Variants in WDR17 observed in about 807,000 individuals in gnomAD.
WDR17 encodes the protein WD repeat domain 17.
A neutral mutation model predicts 161.7 loss-of-function variants in WDR17; 143 were observed. The observed-to-expected ratio is 0.88, with a 90% confidence interval of 0.77 to 1.02. The LOEUF (loss-of-function observed/expected upper bound fraction) is 1.02. WDR17 is among the 50% of genes least tolerant of loss of function. The probability of loss-of-function intolerance (pLI) is 0.00; values close to 1 mark genes in which losing one functional copy is unlikely to be tolerated. For missense variants in WDR17, 1,469 were observed against 1,520.9 expected (o/e 0.97, Z 0.57); for synonymous variants, 517 against 515.6 (o/e 1.00, Z -0.04).
At chr4:176,121,159 C>T (rs28695418) in intron 4 of WDR17, among the ~76,000 whole-genome samples, 37,547 of 151,966 alleles carry the variant, frequency 0.25, 4,776 homozygotes, top group South Asian at 0.28. Context: ...CAAAGATTAG[C>T]ATGAGGAGGG....
chr4:176,078,722 A>C (rs1274726675), intron 1 of WDR17, among the ~76,000 whole-genome samples: 1 of 152,150 alleles, frequency 6.6e-6, no homozygotes, highest in East Asian at 1.9e-4. Context: ...GATCTTTGTC[A>C]TGGGCTTTTT....
rs146392469 is a variant in WDR17 at position 176,110,047 on chromosome 4, T to C, written c.-6-1528T>C. Among the ~76,000 whole-genome samples, 885 of 152,324 alleles carry C rather than the reference T, an allele frequency of 5.8e-3. 9 individuals are homozygous for C. The highest frequency in any genetic ancestry group is 0.02 in the African/African-American group (825 of 41,564). On this transcript the variant is annotated intron_variant, in intron 1 of 28. Coordinates refer to ENST00000508596, the MANE Select transcript of WDR17 (RefSeq NM_181265.4). The stretch of plus-strand genomic sequence containing the variant: ...TAAAAATCAGATATGAAATTGACAA[T>C]AGTGAAAAATTGAATTTACCTGGTG...
chr4:176,098,262 T>C (rs17062505), intron 1 of WDR17: 41,153 of 155,230 alleles, frequency 0.27, 6,203 homozygotes, highest in Admixed American at 0.43. Flanking sequence ...CCAACTGAAG[T>C]GTGTTGTTCC....
At chr4:176,073,944 A>T (rs1733603577) in intron 1 of WDR17, among the ~76,000 whole-genome samples, 1 of 149,360 alleles carries the variant, frequency 6.7e-6, no homozygotes, top group Admixed American at 6.7e-5. Context: ...CCACTTTTTG[A>T]TGGGGTTGTT....
intron 7 of WDR17, among the ~76,000 whole-genome samples, chr4:176,133,171 A>ATTTTTTTTTTTTTTT (rs1743766210): frequency 7.6e-6 from 1 of 131,354 alleles, no homozygotes; most frequent in South Asian, 2.4e-4. Flanking sequence ...AAAAAAAACA[A>ATTTTTTTTTTTTTTT]TTTTTTATTT....
At chr4:176,174,781 C>A (rs1474975734) in intron 26 of WDR17, 63 bp downstream of exon 26, 6 of 990,412 alleles carry the variant, frequency 6.1e-6, no homozygotes, top group African/African-American at 1.6e-5. Flanking sequence ...GATGGATAGT[C>A]TCTAAGTGGA....
rs773727894 is a variant in WDR17, at chr4:176,149,816, G to A, written c.1907G>A (p.Cys636Tyr). The A allele has an allele frequency of 6.2e-7, 1 of 1,612,288 alleles. No homozygotes were observed. The highest frequency in any genetic ancestry group is 8.5e-7 in the Non-Finnish European group (1 of 1,179,620). The change falls in exon 14 of 29, where the codon TGC becomes TAC. Residue 636 changes from cysteine (C) to tyrosine (Y), a missense_variant. Cys to Tyr is a radical substitution (Grantham distance 194). Transcript: ENST00000508596. ...TTTTTATTTTCATCAGGTTTAACCT[G>A]CCATCCCAGTCGCCCCTTCACTATG... Reference protein sequence around the residue: ...DHGADVYGLTCHPSRPFTMAS... With the variant: ...DHGADVYGLTYHPSRPFTMAS...
chr4:176,178,393 A>G (rs1751769919), intron 28 of WDR17, among the ~76,000 whole-genome samples: 1 of 152,192 alleles, frequency 6.6e-6, no homozygotes, highest in Non-Finnish European at 1.5e-5. Flanking sequence ...GTATGTCATC[A>G]TTGCCATTCT....
chr4:176,090,255 TTA>T (rs1561082206), intron 1 of WDR17, among the ~76,000 whole-genome samples: 2 of 147,704 alleles, frequency 1.4e-5, no homozygotes, highest in Admixed American at 6.7e-5. Flanking sequence ...GCTGGTTGTT[TTA>T]AAAAAAAAAA....
rs202010584 is a variant in WDR17, at chr4:176,131,752, C to T, written c.1098+14C>T. On this transcript the variant is annotated intron_variant, in intron 7 of 28. Transcript: ENST00000508596. ...CTTAGAGACTTGGTATGTATGTAGT[C>T]ATTCCTTTATTATACATAATAGTTT... The T allele has an allele frequency of 1.4e-4, 220 of 1,580,604 alleles. No individual in the cohort carries two copies. Among genetic ancestry groups the T allele is most frequent in the Non-Finnish European group, 1.8e-4 (204 of 1,164,924 alleles).
chr4:176,149,680 A>T, intron 13 of WDR17, 127 bp from the exon 14 acceptor site: 1 of 1,116,412 alleles, frequency 9.0e-7, no homozygotes. Flanking sequence ...AGGTTGACTG[A>T]GAACCTTTCA....
At chr4:176,083,398 C>T (rs1039028116) in intron 1 of WDR17, among the ~76,000 whole-genome samples, 2 of 152,060 alleles carry the variant, frequency 1.3e-5, no homozygotes, top group Non-Finnish European at 2.9e-5. Flanking sequence ...ACTACCACCA[C>T]CAAGGATACC....
At chr4:176,108,961 T>G (rs1438814017) in intron 1 of WDR17, among the ~76,000 whole-genome samples, 2 of 152,054 alleles carry the variant, frequency 1.3e-5, no homozygotes, top group Non-Finnish European at 2.9e-5. Context: ...GGTTAATTTT[T>G]GTAATTTTTG....
At chr4:176,074,808 T>A (rs1269325048) in intron 1 of WDR17, among the ~76,000 whole-genome samples, 7 of 136,016 alleles carry the variant, frequency 5.1e-5, no homozygotes, top group African/African-American at 1.9e-4. Context: ...TTTTTTTTAA[T>A]GCTTTTTTTT....
chr4:176,083,031 A>C (rs548529929), intron 1 of WDR17, among the ~76,000 whole-genome samples: 1 of 152,270 alleles, frequency 6.6e-6, no homozygotes, highest in Admixed American at 6.5e-5. Flanking sequence ...TGTTTGATAG[A>C]TTTTCTTAGA....
At chr4:176,091,247 G>A (rs530492979) in intron 1 of WDR17, among the ~76,000 whole-genome samples, 1 of 152,222 alleles carries the variant, frequency 6.6e-6, no homozygotes, top group Admixed American at 6.5e-5. Context: ...CATATGTTAG[G>A]TCACAAAATG....
At chr4:176,119,637 A>G (rs1009943446) in intron 3 of WDR17, among the ~76,000 whole-genome samples, 7 of 152,212 alleles carry the variant, frequency 4.6e-5, no homozygotes, top group African/African-American at 1.7e-4. Context: ...GCAAATGATC[A>G]TGTAAGTAGT....
Position 176,093,524 on chromosome 4 carries a change from T to A in WDR17, c.-6-18051T>A, listed in dbSNP as rs1318668966. Among the ~76,000 whole-genome samples, 2 of 152,222 alleles carry A rather than the reference T, an allele frequency of 1.3e-5. 1 individual carries two copies. The highest frequency in any genetic ancestry group is 2.9e-5 in the Non-Finnish European group (2 of 68,034). ...TTACTGATATTTAATATTTTATTTTTGTTATTTATTTCTATCACTAATTTT... is the reference window on the plus strand; with the variant it reads ...TTACTGATATTTAATATTTTATTTTAGTTATTTATTTCTATCACTAATTTT... On this transcript the variant is annotated intron_variant, in intron 1 of 28. Transcript: ENST00000508596.
chr4:176,077,646 A>G (rs1734223921), intron 1 of WDR17, among the ~76,000 whole-genome samples: 1 of 152,212 alleles, frequency 6.6e-6, no homozygotes, highest in East Asian at 1.9e-4. Flanking sequence ...AACAGAAAAT[A>G]CACTCATTTT....
Sources: gnomAD v4.1 joint callset for allele counts (sites outside exome capture counted in the v4.1 genomes callset) on GRCh38, gnomAD v4.1.1 for gene constraint, MANE v1.5 for transcripts, NCBI Gene and HGNC (gene_info 2026-07-23, HGNC 2026-07-21) for gene names.